ZSWIM6: variants seen among roughly 807,000 people sequenced by gnomAD.
ZSWIM6 encodes zinc finger SWIM domain-containing protein 6.
In ZSWIM6, 9 loss-of-function variants were observed where a neutral mutation model predicts 113.2. That is an observed-to-expected ratio of 0.08 (90% confidence interval 0.05 to 0.14). The LOEUF is 0.14. Ranked by LOEUF, ZSWIM6 falls within the 10% of genes least tolerant of loss-of-function variation. The pLI is 1.00. For synonymous variants in ZSWIM6, 611 were observed against 606.5 expected, an observed-to-expected ratio of 1.01 and a Z score of -0.11; for missense variants, 1,162 against 1,552.2, an observed-to-expected ratio of 0.75 and a Z score of 4.22.
chr5:61,332,715 G>GCGGCGT lies in ZSWIM6; in HGVS notation c.448_449insTCGGCG (p.Gly149_Gly150insValGly). On this transcript the variant is annotated inframe_insertion, in exon 1 of 14. Coordinates refer to ENST00000252744, the MANE Select transcript of ZSWIM6 (RefSeq NM_020928.2). Reference sequence around the variant, plus strand: ...GACAGCGGTGGCGGCGGCGGCGCGGGCGGCGGCGGCGGCGGCGGCTCCTCG... The same window carrying GCGGCGT: ...GACAGCGGTGGCGGCGGCGGCGCGGGCGGCGTCGGCGGCGGCGGCGGCGGCTCCTCG... 1.1e-6 allele frequency: 1 copy of GCGGCGT among 894,604 alleles called. No homozygotes were observed. Among genetic ancestry groups the GCGGCGT allele is most frequent in the Non-Finnish European group, 1.3e-6 (1 of 753,852 alleles). 55.4% of individuals were successfully genotyped at this position (894,604 alleles called of 1,614,324 possible).
chr5:61,524,679 T>A (rs948448409), intron 5 of ZSWIM6, among the ~76,000 whole-genome samples: 3 of 152,186 alleles, frequency 2.0e-5, no homozygotes, highest in Non-Finnish European at 2.9e-5. Context: ...GTGTTTTCCC[T>A]TATGTCTGTG....
intron 2 of ZSWIM6, among the ~76,000 whole-genome samples, chr5:61,489,601 A>G (rs1290915441): frequency 6.6e-6 from 1 of 152,054 alleles, no homozygotes; most frequent in Admixed American, 6.6e-5. Flanking sequence ...TAAGCATATT[A>G]GGCATGATGT....
chr5:61,475,005 A>G (rs980437032), intron 2 of ZSWIM6, among the ~76,000 whole-genome samples: 10 of 151,732 alleles, frequency 6.6e-5, no homozygotes, highest in Non-Finnish European at 8.8e-5. Context: ...GCCCTCCAAA[A>G]GCACATGTAT....
In ZSWIM6 at chr5:61,525,927, C is replaced by T. The variant is rs528005090; in HGVS notation, c.1641C>T (p.Asp547=). The change falls in exon 6 of 14, where the codon GAC becomes GAT. Residue 547 remains aspartate, a synonymous_variant. Transcript: ENST00000252744. ...SDLYTNYCYH[D]DTENSLFDSR... The stretch of plus-strand genomic sequence containing the variant: ...TATACACCAACTACTGTTACCATGA[C>T]GACACTGAAAACTCCCTCTTCGACT... The T allele has an allele frequency of 1.8e-4, 274 of 1,552,192 alleles. 3 individuals are homozygous for T. In the South Asian group the frequency reaches 3.1e-3, roughly 17 times the overall value.
At chr5:61,461,705 C>G (rs1382570549) in intron 1 of ZSWIM6, among the ~76,000 whole-genome samples, 2 of 152,164 alleles carry the variant, frequency 1.3e-5, no homozygotes, top group African/African-American at 4.8e-5. Flanking sequence ...TCAAATTCTT[C>G]ACTCAGGAAG....
At chr5:61,526,767 G>A (rs1345687684) in intron 7 of ZSWIM6, among the ~76,000 whole-genome samples, 4 of 152,120 alleles carry the variant, frequency 2.6e-5, no homozygotes, top group Non-Finnish European at 4.4e-5. Flanking sequence ...TTGAATCCCG[G>A]CAATCCTAAC....
At chr5:61,434,052 TAAA>T (rs1216536034) in intron 1 of ZSWIM6, among the ~76,000 whole-genome samples, 1 of 141,084 alleles carries the variant, frequency 7.1e-6, no homozygotes, top group East Asian at 1.9e-4. Context: ...ATATGTGTAA[TAAA>T]AACATATAAT....
chr5:61,436,315 T>G (rs1359874300), intron 1 of ZSWIM6, among the ~76,000 whole-genome samples: 2 of 152,222 alleles, frequency 1.3e-5, no homozygotes, highest in Admixed American at 6.5e-5. Context: ...GTAATCTTAG[T>G]GTTAAATTTT....
At chr5:61,488,624 C>T (rs1287158631) in intron 2 of ZSWIM6, among the ~76,000 whole-genome samples, 1 of 151,918 alleles carries the variant, frequency 6.6e-6, no homozygotes, top group East Asian at 1.9e-4. Flanking sequence ...CTCTGATCGT[C>T]TTCTGTATTT....
chr5:61,342,565 A>G (rs1305199549), intron 1 of ZSWIM6, among the ~76,000 whole-genome samples: 1 of 152,190 alleles, frequency 6.6e-6, no homozygotes, highest in Non-Finnish European at 1.5e-5. Flanking sequence ...ACTGTCCATG[A>G]TGCATCATCA....
intron 2 of ZSWIM6, among the ~76,000 whole-genome samples, chr5:61,489,793 A>G (rs973504041): frequency 6.6e-6 from 1 of 152,016 alleles, no homozygotes; most frequent in Non-Finnish European, 1.5e-5. Flanking sequence ...GAATGAATGA[A>G]TGAACATACA....
chr5:61,391,309 C>G, intron 1 of ZSWIM6: 2 of 830,004 alleles, frequency 2.4e-6, no homozygotes, highest in South Asian at 2.7e-5. Context: ...GGCCATGGTG[C>G]CTCCCTTTAC....
At chr5:61,435,876 T>C (rs922312326) in intron 1 of ZSWIM6, among the ~76,000 whole-genome samples, 1 of 152,176 alleles carries the variant, frequency 6.6e-6, no homozygotes, top group Non-Finnish European at 1.5e-5. Context: ...AGAATTGATA[T>C]TTAAGATGAG....
chr5:61,391,012 C>A, intron 1 of ZSWIM6: 1 of 752,362 alleles, frequency 1.3e-6, no homozygotes. Context: ...GTATCCCTGG[C>A]TGATCTTATA....
At chr5:61,471,706 A>C (rs1247479909) in intron 1 of ZSWIM6, among the ~76,000 whole-genome samples, 1 of 152,198 alleles carries the variant, frequency 6.6e-6, no homozygotes, top group Non-Finnish European at 1.5e-5. Context: ...CCTTATGAGA[A>C]TCTAATGCCT....
intron 1 of ZSWIM6, among the ~76,000 whole-genome samples, chr5:61,361,124 T>C (rs1745025949): frequency 6.6e-6 from 1 of 152,146 alleles, no homozygotes; most frequent in African/African-American, 2.4e-5. Context: ...TGTGGACTTT[T>C]CCCTGGGCTG....
intron 1 of ZSWIM6, among the ~76,000 whole-genome samples, chr5:61,437,717 CAAAAAAAAA>C (rs1177075747): frequency 1.8e-5 from 1 of 56,870 alleles, no homozygotes; most frequent in East Asian, 4.5e-4. Context: ...ACCCTTTCTC[CAAAAAAAAA>C]AAAAAAAAAA....
At chr5:61,525,767 C>T in intron 5 of ZSWIM6, 33 bp from the exon 6 acceptor site, 1 of 1,549,730 alleles carries the variant, frequency 6.5e-7, no homozygotes, top group Non-Finnish European at 8.7e-7. Flanking sequence ...TGAATAATAG[C>T]TGACACGGCT....
rs575147439 is a variant in ZSWIM6 at position 61,369,811 on chromosome 5, T to G, written c.676+36863T>G. ...AGTCTAGTAGGGGAGATGTTAAGAT[T>G]TGCAATATTACTAAAAATGATTTTT... On this transcript the variant is annotated intron_variant, in intron 1 of 13. Transcript: ENST00000252744. 7.9e-5 allele frequency among the ~76,000 whole-genome samples: 12 copies of G among 152,324 alleles called. 1 individual carries two copies. The South Asian group carries it at 2.5e-3, about 32-fold the overall frequency.
Sources: allele counts gnomAD v4.1 joint callset (sites outside exome capture counted in the v4.1 genomes callset), GRCh38; gene constraint gnomAD v4.1.1; transcripts MANE v1.5; gene names NCBI Gene and HGNC (gene_info 2026-07-23, HGNC 2026-07-21).